Variants in LRBA observed in about 807,000 individuals in gnomAD.
LRBA encodes LPS responsive beige-like anchor protein.
LRBA carries 176 observed loss-of-function variants against 330.0 expected under a neutral mutation model. The ratio of observed to expected loss-of-function variants is 0.53; its 90% CI spans 0.47 to 0.60. The LOEUF (loss-of-function observed/expected upper bound fraction) is 0.60, where lower values mean the gene tolerates loss of function less well. Among genes scored for constraint, LRBA ranks in the 20% least tolerant of loss-of-function variants. The probability of loss-of-function intolerance (pLI) is 0.00; values close to 1 mark genes in which losing one functional copy is unlikely to be tolerated. For synonymous variants in LRBA, 1,230 were observed against 1,193.0 expected (o/e 1.03, Z -0.64); for missense variants, 3,259 against 3,444.8 (o/e 0.95, Z 1.35).
intron 8 of LRBA, 68 bp downstream of exon 8, chr4:150,915,535 AAACTT>A: frequency 1.7e-5 from 23 of 1,374,880 alleles, no homozygotes; most frequent in Non-Finnish European, 2.3e-5. Context: ...TCAAGTTGTA[AAACTT>A]TTTCTTGTTT....
intron 49 of LRBA, among the ~76,000 whole-genome samples, chr4:150,324,883 G>A (rs1413231746): frequency 4.6e-5 from 7 of 152,120 alleles, no homozygotes; most frequent in Admixed American, 1.3e-4. Flanking sequence ...TTTTAATCAC[G>A]CACTTCAATT....
intron 40 of LRBA, among the ~76,000 whole-genome samples, chr4:150,566,515 T>C (rs1174333580): frequency 6.6e-6 from 1 of 152,126 alleles, no homozygotes; most frequent in Non-Finnish European, 1.5e-5. Context: ...CAACTTGTTT[T>C]AGGACTGTAG....
intron 56 of LRBA, among the ~76,000 whole-genome samples, chr4:150,273,026 G>A (rs1019988585): frequency 6.6e-6 from 1 of 152,070 alleles, no homozygotes; most frequent in African/African-American, 2.4e-5. Context: ...TGTGAAGGTA[G>A]AAATGAAGGA....
intron 40 of LRBA, chr4:150,584,104 C>T: frequency 6.5e-7 from 1 of 1,538,302 alleles, no homozygotes; most frequent in Non-Finnish European, 8.7e-7. Context: ...CCTGGACAAA[C>T]TATAGGGTGC....
At chr4:150,932,518 C>T (rs1402587026) in intron 2 of LRBA, among the ~76,000 whole-genome samples, 12 of 152,110 alleles carry the variant, frequency 7.9e-5, no homozygotes, top group Non-Finnish European at 5.9e-5. Flanking sequence ...TTCCAAATCT[C>T]TAACAACATA....
At chr4:150,819,955 A>C (rs1197465707) in intron 30 of LRBA, among the ~76,000 whole-genome samples, 1 of 152,016 alleles carries the variant, frequency 6.6e-6, no homozygotes, top group Non-Finnish European at 1.5e-5. Context: ...CTTCTTCAAC[A>C]TGCTCTTATG....
chr4:150,896,394 C>A lies in LRBA; in HGVS notation c.2067G>T (p.Glu689Asp). 6.8e-7 allele frequency: 1 copy of A among 1,473,524 alleles called. No individual in the cohort carries two copies. Among genetic ancestry groups the A allele is most frequent in the Non-Finnish European group, 9.4e-7 (1 of 1,068,142 alleles). 91.3% of individuals were successfully genotyped at this position (1,473,524 alleles called of 1,614,324 possible). ...TCAAAATATAAAATTCATATATTAC[C>A]TCATGCATAGTCAGTAGGTAATTAA... Reference protein sequence around the residue: ...AILNYLLTMHEDDNLMDVLQL... With the variant: ...AILNYLLTMHDDDNLMDVLQL... The change falls in exon 16 of 57, where the codon GAG (glutamate) becomes GAT (aspartate). Residue 689 changes from glutamate (E) to aspartate (D), a missense_variant and splice_region_variant. By Grantham distance (45) the Glu-to-Asp change is conservative. Coordinates refer to ENST00000651943, the MANE Select transcript of LRBA (RefSeq NM_001364905.1).
intron 56 of LRBA, among the ~76,000 whole-genome samples, chr4:150,267,052 A>C (rs1030941503): frequency 6.6e-6 from 1 of 152,198 alleles, no homozygotes; most frequent in Non-Finnish European, 1.5e-5. Flanking sequence ...TACAAAGAGC[A>C]AATATTAACA....
intron 36 of LRBA, among the ~76,000 whole-genome samples, chr4:150,695,020 A>C (rs1208751696): frequency 6.6e-6 from 1 of 152,154 alleles, no homozygotes; most frequent in Non-Finnish European, 1.5e-5. Context: ...TTCCACACAT[A>C]ATATTTTGTT....
chr4:150,960,884 T>C (rs1377860906), intron 2 of LRBA, among the ~76,000 whole-genome samples: 1 of 149,472 alleles, frequency 6.7e-6, no homozygotes, highest in Non-Finnish European at 1.5e-5. Flanking sequence ...TCACAGCCTG[T>C]ATTAAATACA....
intron 56 of LRBA, 79 bp from the exon 57 acceptor site, chr4:150,265,891 C>T: frequency 1.2e-6 from 1 of 851,882 alleles, no homozygotes; most frequent in Admixed American, 1.8e-5. Context: ...CTCCCCAAAT[C>T]CACAAGGTAA....
At chr4:150,273,872 C>T (rs1259940255) in intron 56 of LRBA, among the ~76,000 whole-genome samples, 1 of 152,110 alleles carries the variant, frequency 6.6e-6, no homozygotes, top group Admixed American at 6.5e-5. Flanking sequence ...GAGATTTTAA[C>T]ACCCCACTGT....
intron 46 of LRBA, among the ~76,000 whole-genome samples, chr4:150,424,564 T>C (rs548340604): frequency 6.6e-6 from 1 of 152,364 alleles, no homozygotes; most frequent in East Asian, 1.9e-4. Context: ...GAGGAAACCA[T>C]GGTGCCTTGG....
At chr4:150,289,061 T>G (rs1253001186) in intron 53 of LRBA, among the ~76,000 whole-genome samples, 1 of 152,172 alleles carries the variant, frequency 6.6e-6, no homozygotes, top group Non-Finnish European at 1.5e-5. Flanking sequence ...CTGTCAATTT[T>G]CTTTCTTTCT....
At chr4:150,663,939 T>C (rs971162081) in intron 37 of LRBA, among the ~76,000 whole-genome samples, 17 of 151,832 alleles carry the variant, frequency 1.1e-4, no homozygotes, top group African/African-American at 3.9e-4. Context: ...ACCAAGAAGA[T>C]AACATGGGAA....
chr4:150,413,153 A>C (rs181025229), intron 47 of LRBA, among the ~76,000 whole-genome samples: 47 of 152,188 alleles, frequency 3.1e-4, no homozygotes, highest in African/African-American at 1.1e-3. Context: ...TGCAAATTAA[A>C]ATAACAATGA....
chr4:150,323,392 T>C (rs761360286), intron 49 of LRBA, among the ~76,000 whole-genome samples: 15 of 152,220 alleles, frequency 9.9e-5, no homozygotes, highest in Admixed American at 2.0e-4. Flanking sequence ...AGTACATACA[T>C]ATTTCTGAGC....
chr4:150,557,619 C>A (rs1326927247), intron 40 of LRBA, among the ~76,000 whole-genome samples: 1 of 151,818 alleles, frequency 6.6e-6, no homozygotes, highest in Non-Finnish European at 1.5e-5. Flanking sequence ...TGACCTTTGA[C>A]AGCTTTAAAG....
At chr4:150,940,742 T>C (rs1270633136) in intron 2 of LRBA, among the ~76,000 whole-genome samples, 2 of 152,274 alleles carry the variant, frequency 1.3e-5, no homozygotes, top group African/African-American at 4.8e-5. Flanking sequence ...TCAATCTGTC[T>C]GTTGAGTTAA....
Sources: gnomAD v4.1 joint callset for allele counts (sites outside exome capture counted in the v4.1 genomes callset) on GRCh38, gnomAD v4.1.1 for gene constraint, MANE v1.5 for transcripts, NCBI Gene and HGNC (gene_info 2026-07-23, HGNC 2026-07-21) for gene names.